Variants in MEIOSIN observed in about 807,000 individuals in gnomAD.
The protein encoded by MEIOSIN is meiosis initiator.
In MEIOSIN, 18 loss-of-function variants were observed where a neutral mutation model predicts 23.4. That is an observed-to-expected ratio of 0.77 (90% CI 0.53 to 1.14). The LOEUF (loss-of-function observed/expected upper bound fraction) is 1.14. MEIOSIN is among the 50% of genes most tolerant of loss of function. MEIOSIN has a pLI of 0.00. For missense variants in MEIOSIN, 428 were observed against 242.9 expected (o/e 1.76, Z -5.07); for synonymous variants, 187 against 100.6 (o/e 1.86, Z -5.14).
intron 4 of MEIOSIN, among the ~76,000 whole-genome samples, chr19:45,747,920 C>T (rs1482873411): frequency 1.3e-5 from 2 of 151,226 alleles, no homozygotes; most frequent in East Asian, 1.9e-4. Flanking sequence ...GGCAATGTGA[C>T]GAAAGTCCAT....
At chr19:45,755,942 G>C (rs1180769483) in intron 7 of MEIOSIN, 28 bp from the exon 8 acceptor site, 6 of 699,206 alleles carry the variant, frequency 8.6e-6, no homozygotes, top group African/African-American at 1.7e-5. Context: ...CCAGTCCCCA[G>C]GCATGGTCAT....
chr19:45,743,450 G>A (rs1968539882), intron 3 of MEIOSIN, among the ~76,000 whole-genome samples: 1 of 152,092 alleles, frequency 6.6e-6, no homozygotes, highest in Non-Finnish European at 1.5e-5. Flanking sequence ...TTATCTCGAA[G>A]GATAGAACCC....
At chr19:45,740,507 T>G (rs1968483000) in intron 3 of MEIOSIN, among the ~76,000 whole-genome samples, 1 of 152,056 alleles carries the variant, frequency 6.6e-6, no homozygotes. Flanking sequence ...TCCCAAAACT[T>G]TGGGAGGCCA....
chr19:45,763,808 G>A (rs955733111), intron 14 of MEIOSIN, among the ~76,000 whole-genome samples, 163 bp from the exon 15 acceptor site: 1 of 152,188 alleles, frequency 6.6e-6, no homozygotes, highest in African/African-American at 2.4e-5. Flanking sequence ...AGAGCCCTTG[G>A]CCGAGTCCCA....
intron 5 of MEIOSIN, among the ~76,000 whole-genome samples, chr19:45,753,331 G>A (rs1481506123): frequency 1.3e-5 from 2 of 152,148 alleles, no homozygotes; most frequent in Non-Finnish European, 2.9e-5. Context: ...CCCTCACTGT[G>A]TTGAGGAAGG....
rs898009282 is a variant in MEIOSIN at position 45,741,216 on chromosome 19, G to A, written c.176+1486G>A. On this transcript the variant is annotated intron_variant, in intron 3 of 14. Transcript: ENST00000457052. ...TACAAAAATTGGGAGGCATGGTGGC[G>A]GGCACCTGCAATCCCAGCTACTTGG... Among the ~76,000 whole-genome samples the A allele has an allele frequency of 2.6e-5, 4 of 151,960 alleles. No homozygotes were observed. The East Asian group carries it at 7.7e-4, about 29-fold the overall frequency.
intron 2 of MEIOSIN, among the ~76,000 whole-genome samples, chr19:45,737,364 G>A (rs1289039341): frequency 6.6e-6 from 1 of 150,698 alleles, no homozygotes; most frequent in Non-Finnish European, 1.5e-5. Context: ...ATTTTTCGTA[G>A]AAATGGGTTT....
intron 5 of MEIOSIN, among the ~76,000 whole-genome samples, chr19:45,752,157 A>G (rs1054113744): frequency 1.3e-5 from 2 of 151,366 alleles, no homozygotes; most frequent in African/African-American, 4.9e-5. Context: ...GGGTCAAGCA[A>G]TCCTCCTGCC....
At position 45,757,172 on chromosome 19, in the gene MEIOSIN, T is replaced by C; in HGVS notation, c.912-5T>C. ...AGTCTGACTCTGAAACTCCACCTCT[T>C]GCAGGCAGAAGCTGGTGTTCTATGA... On this transcript the variant is annotated splice_polypyrimidine_tract_variant and splice_region_variant and intron_variant, in intron 8 of 14. Coordinates refer to ENST00000457052, the MANE Select transcript of MEIOSIN (RefSeq NM_001310124.2). 3 of 702,744 alleles carry C rather than the reference T, an allele frequency of 4.3e-6. No individual in the cohort carries two copies. Among genetic ancestry groups the C allele is most frequent in the Non-Finnish European group, 5.2e-6 (2 of 384,838 alleles). The allele number at this position is 702,744 out of a possible 1,614,324, so 43.5% of individuals were successfully genotyped here. A position where few individuals can be genotyped will look rare whatever the true frequency, so the allele number is the denominator to read the frequency against.
At chr19:45,753,621 T>C (rs1351582351) in intron 5 of MEIOSIN, 30 bp from the exon 6 acceptor site, 1 of 690,160 alleles carries the variant, frequency 1.4e-6, no homozygotes, top group Non-Finnish European at 2.6e-6. Context: ...GGGTGGGGGA[T>C]CTGAGCTGTT....
chr19:45,753,897 G>C (rs2146192247), intron 6 of MEIOSIN, 109 bp downstream of exon 6: 1 of 605,116 alleles, frequency 1.7e-6, no homozygotes, highest in East Asian at 2.8e-5. Flanking sequence ...CCTGTGCCGG[G>C]GTTCAACTCC....
At chr19:45,736,899 A>C (rs1600373505) in intron 2 of MEIOSIN, among the ~76,000 whole-genome samples, 4 of 117,900 alleles carry the variant, frequency 3.4e-5, no homozygotes, top group African/African-American at 1.0e-4. Flanking sequence ...ATGGAGTTTC[A>C]CTCTTGCTGC....
At chr19:45,754,975 C>T (rs903592974) in intron 7 of MEIOSIN, among the ~76,000 whole-genome samples, 2 of 152,122 alleles carry the variant, frequency 1.3e-5, no homozygotes, top group African/African-American at 4.8e-5. Context: ...GGGAGGAGGG[C>T]AGGGCCTCCG....
At chr19:45,738,768 G>A (rs1000941899) in intron 2 of MEIOSIN, among the ~76,000 whole-genome samples, 2 of 152,182 alleles carry the variant, frequency 1.3e-5, no homozygotes, top group East Asian at 1.9e-4. Flanking sequence ...CGAGGACTGT[G>A]TGCTTTGTTT....
chr19:45,761,987 G>A lies in MEIOSIN; in HGVS notation c.1483G>A (p.Glu495Lys), dbSNP rs902393586. 5 of 545,382 alleles carry A rather than the reference G, an allele frequency of 9.2e-6. No individual in the cohort carries two copies. Among genetic ancestry groups the A allele is most frequent in the African/African-American group, 1.9e-5 (1 of 52,288 alleles). The allele number at this position is 545,382 out of a possible 1,614,324, so 33.8% of individuals were successfully genotyped here. ...CACGCCGGGCTCCAGCGAAGAGGAC[G>A]AAGACACCACATGGACCCCCACCCG... Reference protein sequence around the residue: ...VGTPGSSEEDEDTTWTPTRLA... With the variant: ...VGTPGSSEEDKDTTWTPTRLA... Residue 495 changes from glutamate to lysine, a missense_variant, in exon 13 of 15, where the codon GAA becomes AAA. Physicochemically the swap from Glu to Lys is moderately conservative, Grantham distance 56 (BLOSUM62 1). Coordinates refer to ENST00000457052, the MANE Select transcript of MEIOSIN (RefSeq NM_001310124.2).
chr19:45,764,254 G>A lies in MEIOSIN; in HGVS notation c.*136G>A, dbSNP rs532744180. The A allele has an allele frequency of 1.8e-5, 7 of 397,372 alleles. No homozygotes were observed. The highest frequency in any genetic ancestry group is 4.4e-5 in the Admixed American group (1 of 22,706). The allele number at this position is 397,372 out of a possible 1,614,324, so 24.6% of individuals were successfully genotyped here. A position where few individuals can be genotyped will look rare whatever the true frequency, so the allele number is the denominator to read the frequency against. On this transcript the variant is annotated 3_prime_UTR_variant, in exon 15 of 15. Transcript: ENST00000457052. ...ATGCAGGTCCCATGGGACTGGGGAG[G>A]GGGGCACTGATTAGCCCCAACCGCT...
chr19:45,749,801 G>C lies in MEIOSIN; in HGVS notation c.307-874G>C, dbSNP rs369789840. 5.7e-4 allele frequency among the ~76,000 whole-genome samples: 86 copies of C among 150,642 alleles called. No individual in the cohort carries two copies. The East Asian group carries it at 0.014, about 25-fold the overall frequency. ...GGGCAGATCACAAGGTCAGGAGTTC[G>C]TGACCAGCCTAGCCAGCATGGTGAA... On this transcript the variant is annotated intron_variant, in intron 4 of 14. Transcript: ENST00000457052.
At chr19:45,749,245 G>A (rs997197899) in intron 4 of MEIOSIN, among the ~76,000 whole-genome samples, 1 of 151,612 alleles carries the variant, frequency 6.6e-6, no homozygotes, top group Non-Finnish European at 1.5e-5. Context: ...GGTGGCATGC[G>A]CCTGTAGTCC....
chr19:45,736,586 C>T (rs1264654518), intron 2 of MEIOSIN, among the ~76,000 whole-genome samples: 1 of 151,788 alleles, frequency 6.6e-6, no homozygotes, highest in Non-Finnish European at 1.5e-5. Flanking sequence ...CCAGGCTGGT[C>T]TTGGACTCCT....
Sources: gnomAD v4.1 joint callset for allele counts (sites outside exome capture counted in the v4.1 genomes callset) on GRCh38, gnomAD v4.1.1 for gene constraint, MANE v1.5 for transcripts, NCBI Gene and HGNC (gene_info 2026-07-23, HGNC 2026-07-21) for gene names.